Variants in ZBTB25 observed in about 807,000 individuals in gnomAD.
ZBTB25 encodes the protein zinc finger and BTB domain containing 25.
A neutral mutation model predicts 34.2 loss-of-function variants in ZBTB25; 20 were observed. That is an observed-to-expected ratio of 0.58 (90% CI 0.41 to 0.85). The LOEUF (loss-of-function observed/expected upper bound fraction) is 0.85. Among genes scored for constraint, ZBTB25 ranks in the 40% least tolerant of loss-of-function variants. The probability of loss-of-function intolerance (pLI) is 0.00; values close to 1 mark genes in which losing one functional copy is unlikely to be tolerated. For missense variants in ZBTB25, 437 were observed against 521.8 expected (o/e 0.84, Z 1.58); for synonymous variants, 175 against 186.4 (o/e 0.94, Z 0.50).
At position 64,483,920 on chromosome 14, in the gene ZBTB25, G is replaced by A. The variant is rs2078828760; in HGVS notation, c.*3003C>T. 7.9e-6 allele frequency: 1 copy of A among 126,446 alleles called. No individual in the cohort carries two copies. The highest frequency in any genetic ancestry group is 3.2e-5 in the African/African-American group (1 of 31,582). 7.8% of individuals were successfully genotyped at this position (126,446 alleles called of 1,614,324 possible). ...GATTGCACCACTGCACTCCAGCCTGGCGACACAGCACGACTGTCTCAAAAA... is the reference window on the plus strand; with the variant it reads ...GATTGCACCACTGCACTCCAGCCTGACGACACAGCACGACTGTCTCAAAAA... On this transcript the variant is annotated 3_prime_UTR_variant, in exon 3 of 3. Coordinates refer to ENST00000608382, the MANE Select transcript of ZBTB25 (RefSeq NM_006977.5).
Position 64,485,401 on chromosome 14 carries a change from G to A in ZBTB25, c.*1522C>T. 1.0e-6 allele frequency: 1 copy of A among 985,402 alleles called. No homozygotes were observed. Among genetic ancestry groups the A allele is most frequent in the Non-Finnish European group, 1.2e-6 (1 of 829,898 alleles). The allele number at this position is 985,402 out of a possible 1,614,324, so 61.0% of individuals were successfully genotyped here. A position where few individuals can be genotyped will look rare whatever the true frequency, so the allele number is the denominator to read the frequency against. On this transcript the variant is annotated 3_prime_UTR_variant, in exon 3 of 3. Coordinates refer to ENST00000608382, the MANE Select transcript of ZBTB25 (RefSeq NM_006977.5). ...AGTCTGTTTTATTATCCTTGACTAT[G>A]CGGGGTTTGAAATTTAAACATTTCA...
chr14:64,491,798 A>G (rs1182817308), intron 1 of ZBTB25, among the ~76,000 whole-genome samples: 2 of 152,144 alleles, frequency 1.3e-5, no homozygotes, highest in Admixed American at 1.3e-4. Flanking sequence ...GACACTGAAA[A>G]AGAGAATGAG....
intron 2 of ZBTB25, among the ~76,000 whole-genome samples, chr14:64,457,641 A>T (rs1476572441): frequency 6.6e-6 from 1 of 151,870 alleles, no homozygotes; most frequent in African/African-American, 2.4e-5. Flanking sequence ...TTTTTAGTAG[A>T]GATGGGGTTT....
At chr14:64,452,734 G>A (rs186134493) in intron 2 of ZBTB25, among the ~76,000 whole-genome samples, 1 of 152,304 alleles carries the variant, frequency 6.6e-6, no homozygotes, top group Admixed American at 6.5e-5. Context: ...ATTGTGTTAA[G>A]GGTGGCATCT....
At position 64,486,078 on chromosome 14, in the gene ZBTB25, T is replaced by G. The variant is rs2078855194; in HGVS notation, c.*845A>C. The G allele has an allele frequency of 1.1e-6, 1 of 913,652 alleles. No individual in the cohort carries two copies. Among genetic ancestry groups the G allele is most frequent in the Non-Finnish European group, 1.3e-6 (1 of 765,070 alleles). The allele number at this position is 913,652 out of a possible 1,614,324, so 56.6% of individuals were successfully genotyped here. A position where few individuals can be genotyped will look rare whatever the true frequency, so the allele number is the denominator to read the frequency against. ...ACTTTGGGAGGCCAAGGCGGGCAGA[T>G]GACGAGGTCAGGAGATCGAGACCAT... On this transcript the variant is annotated 3_prime_UTR_variant, in exon 3 of 3. Transcript: ENST00000608382.
At chr14:64,498,805 T>G (rs2079381795) in intron 1 of ZBTB25, among the ~76,000 whole-genome samples, 2 of 152,028 alleles carry the variant, frequency 1.3e-5, no homozygotes, top group South Asian at 4.2e-4. Context: ...AGCTAATTTT[T>G]TTGTATTTTT....
chr14:64,463,431 C>G (rs1396598493), intron 2 of ZBTB25: 1 of 152,092 alleles, frequency 6.6e-6, no homozygotes. Flanking sequence ...CCTTCAAATA[C>G]TAAATAAATT....
rs2078773102 is a variant in ZBTB25 at position 64,480,427 on chromosome 14, T to C, written c.*6496A>G. Reference sequence around the variant, plus strand: ...GAGACAGCAGTTGGAAAGCATTTGATTAGGACGTCAATTTTCGATTAACAC... The same window carrying C: ...GAGACAGCAGTTGGAAAGCATTTGACTAGGACGTCAATTTTCGATTAACAC... On this transcript the variant is annotated 3_prime_UTR_variant, in exon 3 of 3. Coordinates refer to ENST00000608382, the MANE Select transcript of ZBTB25 (RefSeq NM_006977.5). 1 of 365,092 alleles carries C rather than the reference T, an allele frequency of 2.7e-6. No individual in the cohort carries two copies. Among genetic ancestry groups the C allele is most frequent in the Non-Finnish European group, 5.3e-6 (1 of 190,046 alleles). 22.6% of individuals were successfully genotyped at this position (365,092 alleles called of 1,614,324 possible). A position where few individuals can be genotyped will look rare whatever the true frequency, so the allele number is the denominator to read the frequency against.
intron 2 of ZBTB25, chr14:64,469,400 G>A (rs2078644457): frequency 6.2e-7 from 1 of 1,613,818 alleles, no homozygotes; most frequent in Non-Finnish European, 8.5e-7. Flanking sequence ...CAAAAGAATG[G>A]AGCCAATTGC....
chr14:64,459,669 TG>T (rs2078530690), intron 2 of ZBTB25: 1 of 1,112,594 alleles, frequency 9.0e-7, no homozygotes, highest in Non-Finnish European at 1.3e-6. Flanking sequence ...GCTTTGGCAA[TG>T]TGAGTGGGTA....
chr14:64,496,060 T>C (rs948947874), intron 1 of ZBTB25, among the ~76,000 whole-genome samples: 2 of 152,232 alleles, frequency 1.3e-5, no homozygotes, highest in Admixed American at 1.3e-4. Flanking sequence ...TTGTGTTCTT[T>C]TTAAACGAAA....
At chr14:64,497,001 T>C (rs1399572790) in intron 1 of ZBTB25, among the ~76,000 whole-genome samples, 1 of 152,206 alleles carries the variant, frequency 6.6e-6, no homozygotes, top group Non-Finnish European at 1.5e-5. Flanking sequence ...AGCTATTAAA[T>C]GGTGCTGATA....
chr14:64,490,442 C>T lies in ZBTB25; in HGVS notation c.92G>A (p.Gly31Glu), dbSNP rs1271406132. 2.5e-6 allele frequency: 4 copies of T among 1,613,880 alleles called. No individual in the cohort carries two copies. The highest frequency in any genetic ancestry group is 3.4e-6 in the Non-Finnish European group (4 of 1,179,904). Residue 31 changes from glycine to glutamate, a missense_variant, in exon 2 of 3, where the codon GGA becomes GAA. Coordinates refer to ENST00000608382, the MANE Select transcript of ZBTB25 (RefSeq NM_006977.5). ...GFLCDCTVAIGDVYFKAHRAV... is the reference protein window; with the variant it reads ...GFLCDCTVAIEDVYFKAHRAV... ...TCTGTGGGCTTTGAAGTAAACATCTCCAATTGCAACTGTGCAATCACACAG... is the reference window on the plus strand; with the variant it reads ...TCTGTGGGCTTTGAAGTAAACATCTTCAATTGCAACTGTGCAATCACACAG...
intron 2 of ZBTB25, chr14:64,458,439 G>A (rs1390240358): frequency 8.2e-6 from 6 of 731,814 alleles, no homozygotes; most frequent in Admixed American, 2.0e-5. Flanking sequence ...ACTTCCCTGA[G>A]GGGAGAGGGG....
rs1384689131 is a variant in ZBTB25, at chr14:64,478,761, A to T, written c.*8162T>A. 1 of 152,250 alleles carries T rather than the reference A, an allele frequency of 6.6e-6. No individual in the cohort carries two copies. The highest frequency in any genetic ancestry group is 1.5e-5 in the Non-Finnish European group (1 of 68,038). The allele number at this position is 152,250 out of a possible 1,614,324, so 9.4% of individuals were successfully genotyped here. On this transcript the variant is annotated 3_prime_UTR_variant, in exon 3 of 3. Transcript: ENST00000608382. Reference sequence around the variant, plus strand: ...GAAAATTCTCATTAGTCTTGACTCTATAAAGCATGATCCAAAAGTAGCTAA... The same window carrying T: ...GAAAATTCTCATTAGTCTTGACTCTTTAAAGCATGATCCAAAAGTAGCTAA...
In ZBTB25 at chr14:64,478,989, C is replaced by A. The variant is rs757082519; in HGVS notation, c.*7934G>T. 10 of 152,146 alleles carry A rather than the reference C, an allele frequency of 6.6e-5. No individual in the cohort carries two copies. Among genetic ancestry groups the A allele is most frequent in the Admixed American group, 1.3e-4 (2 of 15,280 alleles). 9.4% of individuals were successfully genotyped at this position (152,146 alleles called of 1,614,324 possible). A position where few individuals can be genotyped will look rare whatever the true frequency, so the allele number is the denominator to read the frequency against. On this transcript the variant is annotated 3_prime_UTR_variant, in exon 3 of 3. Coordinates refer to ENST00000608382, the MANE Select transcript of ZBTB25 (RefSeq NM_006977.5). ...TATGAATAGATTCAAAACTGTCTTGCTGATTAATACATCTCTGATTTTTAA... is the reference window on the plus strand; with the variant it reads ...TATGAATAGATTCAAAACTGTCTTGATGATTAATACATCTCTGATTTTTAA...
At chr14:64,489,839 T>G (rs1355252427) in intron 2 of ZBTB25, among the ~76,000 whole-genome samples, 1 of 151,736 alleles carries the variant, frequency 6.6e-6, no homozygotes, top group Non-Finnish European at 1.5e-5. Flanking sequence ...CAGCCAATTT[T>G]AGCTATTCTT....
intron 2 of ZBTB25, chr14:64,471,159 T>C (rs976091977): frequency 6.2e-5 from 10 of 160,874 alleles, no homozygotes; most frequent in East Asian, 3.9e-4. Flanking sequence ...CTTTTCTTTT[T>C]TTTTTTTTTT....
At chr14:64,459,673 A>G in intron 2 of ZBTB25, 2 of 1,148,446 alleles carry the variant, frequency 1.7e-6, no homozygotes. Context: ...TGGCAATGTG[A>G]GTGGGTAATG....
Sources: gnomAD v4.1 joint callset for allele counts (sites outside exome capture counted in the v4.1 genomes callset) on GRCh38, gnomAD v4.1.1 for gene constraint, MANE v1.5 for transcripts, NCBI Gene and HGNC (gene_info 2026-07-23, HGNC 2026-07-21) for gene names.